LRP5: variants seen among roughly 807,000 people sequenced by gnomAD.
The protein encoded by LRP5 is low-density lipoprotein receptor-related protein 5.
A neutral mutation model predicts 154.1 loss-of-function variants in LRP5; 62 were observed. The ratio of observed to expected loss-of-function variants is 0.40; its 90% CI spans 0.33 to 0.50. LRP5 has a LOEUF of 0.50. LRP5 is among the 20% of genes least tolerant of loss of function. LRP5 has a pLI of 0.55. For synonymous variants in LRP5, 966 were observed against 1,011.5 expected, an observed-to-expected ratio of 0.96 and a Z score of 0.85; for missense variants, 1,915 against 2,336.7, an observed-to-expected ratio of 0.82 and a Z score of 3.72.
chr11:68,355,792 A>G (rs1187426981), intron 2 of LRP5, among the ~76,000 whole-genome samples: 1 of 151,612 alleles, frequency 6.6e-6, no homozygotes, highest in East Asian at 1.9e-4. Flanking sequence ...CCACAGACCT[A>G]CCCAGGAACA....
chr11:68,377,866 ATCTCAGCTTTCCCCG>A (rs1251331759), intron 5 of LRP5, among the ~76,000 whole-genome samples: 41 of 150,522 alleles, frequency 2.7e-4, no homozygotes, highest in African/African-American at 9.9e-4. Flanking sequence ...CTTTCCCCGG[ATCTCAGCTTTCCCCG>A]GATCTCAGCT....
intron 21 of LRP5, among the ~76,000 whole-genome samples, chr11:68,441,008 T>TC (rs2098677923): frequency 1.3e-5 from 2 of 152,208 alleles, no homozygotes; most frequent in Admixed American, 1.3e-4. Flanking sequence ...CCTCAGGTGA[T>TC]CCGCCCACCT....
intron 1 of LRP5, among the ~76,000 whole-genome samples, chr11:68,315,668 T>A (rs1591164313): frequency 6.6e-6 from 1 of 152,374 alleles, no homozygotes; most frequent in South Asian, 2.1e-4. Context: ...TGCGATAGAA[T>A]GGCAGATAAG....
intron 17 of LRP5, among the ~76,000 whole-genome samples, chr11:68,432,157 G>A (rs2098672302): frequency 6.6e-6 from 1 of 152,220 alleles, no homozygotes; most frequent in Non-Finnish European, 1.5e-5. Flanking sequence ...CAGTGTCCCA[G>A]TTACAGCTCA....
At chr11:68,315,045 C>T (rs1234194539) in intron 1 of LRP5, among the ~76,000 whole-genome samples, 3 of 152,152 alleles carry the variant, frequency 2.0e-5, no homozygotes, top group African/African-American at 7.2e-5. Flanking sequence ...GCAGGTGAGG[C>T]CTCTGAGTTG....
At chr11:68,343,186 G>T (rs946818102) in intron 1 of LRP5, among the ~76,000 whole-genome samples, 2 of 152,220 alleles carry the variant, frequency 1.3e-5, no homozygotes, top group African/African-American at 4.8e-5. Flanking sequence ...ACCCACGGTG[G>T]TGGGGGCTCG....
At chr11:68,311,369 GC>G (rs1241730077), upstream of LRP5, among the ~76,000 whole-genome samples, 207 of 152,176 alleles carry the variant, frequency 1.4e-3, no homozygotes, top group African/African-American at 4.8e-3. Context: ...GCTGCCCTCT[GC>G]CCCAGCGCCT....
Position 68,436,795 on chromosome 11 carries a change from C to G in LRP5, c.4001-94C>G, listed in dbSNP as rs537854846. On this transcript the variant is annotated intron_variant, in intron 18 of 22. Transcript: ENST00000294304. ...CTAGAAAGGGTCCCATCTGTCTGCT[C>G]TCTGTTTGGAGTCCAGACCTTGGTT... 1.2e-5 allele frequency: 10 copies of G among 868,588 alleles called. No homozygotes were observed. The South Asian group carries it at 1.2e-4, about 11-fold the overall frequency. The allele number at this position is 868,588 out of a possible 1,614,324, so 53.8% of individuals were successfully genotyped here.
At chr11:68,308,046 T>G (rs1217099639), upstream of LRP5, among the ~76,000 whole-genome samples, 2 of 152,220 alleles carry the variant, frequency 1.3e-5, no homozygotes, top group African/African-American at 4.8e-5. Context: ...CCCAGCACTG[T>G]AGGCCGATGG....
intron 5 of LRP5, among the ~76,000 whole-genome samples, chr11:68,375,372 A>T (rs1591246825): frequency 6.6e-6 from 1 of 151,812 alleles, no homozygotes. Context: ...CTGTTTTTCT[A>T]CCTTTTACCG....
chr11:68,305,723 G>A, the LRP5 span, among the ~76,000 whole-genome samples: 11 of 152,166 alleles, frequency 7.2e-5, no homozygotes, highest in South Asian at 4.1e-4. Flanking sequence ...GATTACAGGC[G>A]TGAGCCACCA....
At chr11:68,446,017 G>A (rs1427926542) in intron 21 of LRP5, among the ~76,000 whole-genome samples, 1 of 152,218 alleles carries the variant, frequency 6.6e-6, no homozygotes, top group Non-Finnish European at 1.5e-5. Context: ...AAGGTCAGAA[G>A]GAGAGTTCCT....
chr11:68,393,555 C>T (rs367972088), intron 7 of LRP5, among the ~76,000 whole-genome samples: 65 of 152,094 alleles, frequency 4.3e-4, no homozygotes, highest in East Asian at 3.1e-3. Flanking sequence ...CCGTGGCGGG[C>T]GGATCACCTG....
intron 2 of LRP5, among the ~76,000 whole-genome samples, chr11:68,355,014 G>T (rs1178039231): frequency 6.6e-6 from 1 of 152,210 alleles, no homozygotes; most frequent in Non-Finnish European, 1.5e-5. Context: ...AGGCTCCTAT[G>T]CCCTCATTCT....
intron 18 of LRP5, 36 bp downstream of exon 18, chr11:68,433,874 T>C: frequency 6.3e-7 from 1 of 1,590,088 alleles, no homozygotes; most frequent in Non-Finnish European, 8.6e-7. Context: ...GCCAAGACCC[T>C]GGCCCTGCCC....
chr11:68,442,012 C>T (rs892265767), intron 21 of LRP5, among the ~76,000 whole-genome samples: 5 of 152,242 alleles, frequency 3.3e-5, no homozygotes, highest in Admixed American at 2.6e-4. Flanking sequence ...AAGCAGGACT[C>T]CCTGGGAGGC....
Position 68,406,504 on chromosome 11 carries a change from G to C in LRP5, c.1802-20G>C, listed in dbSNP as rs1253968271. The C allele has an allele frequency of 6.2e-7, 1 of 1,613,664 alleles. No individual in the cohort carries two copies. The highest frequency in any genetic ancestry group is 8.5e-7 in the Non-Finnish European group (1 of 1,179,822). On this transcript the variant is annotated intron_variant, in intron 8 of 22. Transcript: ENST00000294304. ...CTGGGCTGTTGATGTTTAGACTGGA[G>C]CCTCTGTGTTCGCTTCCAGGAACCA...
chr11:68,320,187 A>G (rs1396420455), intron 1 of LRP5, among the ~76,000 whole-genome samples: 2 of 152,178 alleles, frequency 1.3e-5, no homozygotes, highest in Non-Finnish European at 2.9e-5. Flanking sequence ...ACAAGCATAC[A>G]TACATACATA....
In LRP5 at chr11:68,416,359, A is replaced by G. The variant is rs1352148041; in HGVS notation, c.2859A>G (p.Lys953=). The part of the protein sequence containing the change: ...PPTTFLLFSQ[K]SAISRMIPDD... ...CCACCTTCTTGCTGTTCAGCCAGAA[A>G]TCTGCCATCAGTCGGATGATCCCGG... Residue 953 remains lysine, a synonymous_variant, in exon 13 of 23, where the codon AAA becomes AAG. Transcript: ENST00000294304. 1.2e-6 allele frequency: 2 copies of G among 1,614,036 alleles called. No homozygotes were observed. Among genetic ancestry groups the G allele is most frequent in the Middle Eastern group, 1.6e-4 (1 of 6,084 alleles).
Sources: gnomAD v4.1 joint callset for allele counts (sites outside exome capture counted in the v4.1 genomes callset) on GRCh38, gnomAD v4.1.1 for gene constraint, MANE v1.5 for transcripts, NCBI Gene and HGNC (gene_info 2026-07-23, HGNC 2026-07-21) for gene names.